Variants in PPFIA2 observed in about 807,000 individuals in gnomAD.
The protein encoded by PPFIA2 is liprin-alpha-2.
Under a neutral mutation model 175.5 loss-of-function variants are expected in PPFIA2, and 46 were observed. The ratio of observed to expected loss-of-function variants is 0.26; its 90% CI spans 0.21 to 0.34. PPFIA2 has a LOEUF of 0.34. PPFIA2 is among the 10% of genes least tolerant of loss of function. PPFIA2 has a pLI of 1.00. For missense variants in PPFIA2, 1,179 were observed against 1,506.1 expected, an observed-to-expected ratio of 0.78 and a Z score of 3.60; for synonymous variants, 568 against 511.4, an observed-to-expected ratio of 1.11 and a Z score of -1.49.
intron 3 of PPFIA2, among the ~76,000 whole-genome samples, chr12:81,722,251 A>G (rs2079455379): frequency 6.6e-6 from 1 of 151,138 alleles, no homozygotes; most frequent in African/African-American, 2.4e-5. Flanking sequence ...TAACAAAAAA[A>G]TCAAGTAGTC....
chr12:81,659,985 T>C (rs1357021292), intron 4 of PPFIA2, among the ~76,000 whole-genome samples: 2 of 151,912 alleles, frequency 1.3e-5, no homozygotes, highest in African/African-American at 2.4e-5. Flanking sequence ...CAGCTGAGGG[T>C]CCTGACTGTT....
At chr12:81,730,157 C>T (rs2080676650) in intron 3 of PPFIA2, among the ~76,000 whole-genome samples, 1 of 151,532 alleles carries the variant, frequency 6.6e-6, no homozygotes, top group Non-Finnish European at 1.5e-5. Context: ...ATGTTCCTTT[C>T]CTCCTTTGCA....
intron 4 of PPFIA2, among the ~76,000 whole-genome samples, chr12:81,637,886 A>G (rs2064319080): frequency 6.6e-6 from 1 of 152,200 alleles, no homozygotes; most frequent in Admixed American, 6.5e-5. Context: ...TTGAAAACAA[A>G]GAAAAAGGAC....
intron 4 of PPFIA2, among the ~76,000 whole-genome samples, chr12:81,546,928 G>A (rs1180633998): frequency 6.6e-6 from 1 of 152,068 alleles, no homozygotes; most frequent in Non-Finnish European, 1.5e-5. Flanking sequence ...TTCTCTACCT[G>A]TCTTCTTCTC....
chr12:81,660,728 T>A (rs1006378317), intron 4 of PPFIA2, among the ~76,000 whole-genome samples: 4 of 151,938 alleles, frequency 2.6e-5, no homozygotes, highest in African/African-American at 9.7e-5. Flanking sequence ...GAAGAGCAAC[T>A]CCAAGACACA....
At chr12:81,709,621 T>C (rs1383806151) in intron 3 of PPFIA2, among the ~76,000 whole-genome samples, 1 of 152,138 alleles carries the variant, frequency 6.6e-6, no homozygotes, top group African/African-American at 2.4e-5. Context: ...AGGTTTTTTC[T>C]ATTAAAAATA....
chr12:81,620,159 C>CAAAAAAAAA (rs376856927), intron 4 of PPFIA2, among the ~76,000 whole-genome samples: 71 of 54,346 alleles, frequency 1.3e-3, no homozygotes, highest in East Asian at 2.0e-3. Context: ...CACTCCTTCT[C>CAAAAAAAAA]AAAAAAAAAA....
intron 22 of PPFIA2, among the ~76,000 whole-genome samples, 200 bp from the exon 23 acceptor site, chr12:81,299,582 A>G (rs1341076497): frequency 6.6e-6 from 1 of 152,208 alleles, no homozygotes; most frequent in Non-Finnish European, 1.5e-5. Flanking sequence ...GCATTGACAT[A>G]GAAAAGTAAT....
At chr12:81,452,984 TTTC>T (rs1031418581) in intron 5 of PPFIA2, among the ~76,000 whole-genome samples, 1 of 148,616 alleles carries the variant, frequency 6.7e-6, no homozygotes, top group African/African-American at 2.5e-5. Context: ...CCATAACGTT[TTTC>T]TTTTTTTTTA....
chr12:81,349,294 A>G (rs1252524367), intron 17 of PPFIA2, among the ~76,000 whole-genome samples: 1 of 152,204 alleles, frequency 6.6e-6, no homozygotes, highest in Non-Finnish European at 1.5e-5. Flanking sequence ...CTGTTTAAAA[A>G]TCTTACAAAG....
At chr12:81,608,629 C>A (rs1250085320) in intron 4 of PPFIA2, among the ~76,000 whole-genome samples, 1 of 151,898 alleles carries the variant, frequency 6.6e-6, no homozygotes, top group Non-Finnish European at 1.5e-5. Context: ...TCTGTGGGAT[C>A]AGTTGTAATG....
intron 4 of PPFIA2, among the ~76,000 whole-genome samples, chr12:81,533,310 T>C (rs1225053282): frequency 6.6e-6 from 1 of 151,692 alleles, no homozygotes; most frequent in East Asian, 1.9e-4. Flanking sequence ...GTACTCACAT[T>C]CTCCAAAGCT....
chr12:81,690,138 T>C (rs2075047526), intron 3 of PPFIA2, among the ~76,000 whole-genome samples: 1 of 152,114 alleles, frequency 6.6e-6, no homozygotes, highest in Admixed American at 6.6e-5. Context: ...TTCATCCCTT[T>C]GCCTCCAGCA....
chr12:81,628,644 G>A (rs2063008796), intron 4 of PPFIA2, among the ~76,000 whole-genome samples: 1 of 152,178 alleles, frequency 6.6e-6, no homozygotes, highest in Non-Finnish European at 1.5e-5. Flanking sequence ...CTCCCAAAGT[G>A]CTGGGATTAC....
chr12:81,422,061 TA>T (rs1012543980), intron 7 of PPFIA2, among the ~76,000 whole-genome samples: 26 of 149,920 alleles, frequency 1.7e-4, no homozygotes, highest in Non-Finnish European at 5.9e-5. Context: ...TACATATATA[TA>T]TACGTGTGTG....
intron 11 of PPFIA2, chr12:81,369,494 C>G: frequency 8.5e-7 from 1 of 1,175,252 alleles, no homozygotes; most frequent in Non-Finnish European, 1.1e-6. Context: ...CAATCTTAAG[C>G]TCCTGAAGCA....
At chr12:81,502,814 T>C (rs1325775535) in intron 4 of PPFIA2, among the ~76,000 whole-genome samples, 2 of 152,152 alleles carry the variant, frequency 1.3e-5, no homozygotes, top group East Asian at 3.8e-4. Context: ...TCACTCAAGT[T>C]AATCTAATTT....
At chr12:81,682,070 T>C (rs1230116337) in intron 3 of PPFIA2, among the ~76,000 whole-genome samples, 1 of 152,084 alleles carries the variant, frequency 6.6e-6, no homozygotes, top group Non-Finnish European at 1.5e-5. Context: ...TTATGCATTG[T>C]TATGGGTTAA....
At chr12:81,493,097 A>T (rs114149114) in intron 4 of PPFIA2, among the ~76,000 whole-genome samples, 1,941 of 152,096 alleles carry the variant, frequency 0.013, 38 homozygotes, top group African/African-American at 0.045. Context: ...AAATTATGAG[A>T]AAAGGTTTGG....
Sources: allele counts gnomAD v4.1 joint callset (sites outside exome capture counted in the v4.1 genomes callset), GRCh38; gene constraint gnomAD v4.1.1; transcripts MANE v1.5; gene names NCBI Gene and HGNC (gene_info 2026-07-23, HGNC 2026-07-21).